Variants in DLC1 observed in about 807,000 individuals in gnomAD.
DLC1 encodes rho GTPase-activating protein 7.
DLC1 carries 54 observed loss-of-function variants against 140.3 expected under a neutral mutation model. That is an observed-to-expected ratio of 0.38 (90% CI 0.31 to 0.48). The LOEUF (loss-of-function observed/expected upper bound fraction) is 0.48. DLC1 is among the 20% of genes least tolerant of loss of function. The pLI, the probability that DLC1 is intolerant of heterozygous loss-of-function variation, is 0.96. For missense variants in DLC1, 2,536 were observed against 1,907.0 expected, an observed-to-expected ratio of 1.33 and a Z score of -6.14; for synonymous variants, 986 against 728.1, an observed-to-expected ratio of 1.35 and a Z score of -5.70.
chr8:13,599,993 C>A (rs1805818178), intron 1 of DLC1, among the ~76,000 whole-genome samples: 2 of 151,860 alleles, frequency 1.3e-5, no homozygotes, highest in Admixed American at 6.6e-5. Context: ...ATCAAATGAG[C>A]CTTGCCTGAA....
At chr8:13,440,930 T>C (rs1487504215) in intron 2 of DLC1, among the ~76,000 whole-genome samples, 1 of 152,094 alleles carries the variant, frequency 6.6e-6, no homozygotes, top group Non-Finnish European at 1.5e-5. Context: ...CTCGTGTGTG[T>C]CTTTATCAGC....
rs1031974 is a variant in DLC1, at chr8:13,529,725, A to C, written c.-125-29529T>G. Among the ~76,000 whole-genome samples, 873 of 152,336 alleles carry C rather than the reference A, an allele frequency of 5.7e-3. 13 individuals are homozygous for C. The highest frequency in any genetic ancestry group is 0.019 in the African/African-American group (803 of 41,592). ...GAAAAAAGGGAGCACCTATCCTTCC[A>C]GAAAGATGAGACTACTATGTTCTAG... On this transcript the variant is annotated intron_variant, in intron 1 of 1. Transcript: ENST00000631382.
rs759680419 is a variant in DLC1 at position 13,090,201 on chromosome 8, C to T, written c.4074+51G>A. On this transcript the variant is annotated intron_variant, in intron 15 of 17. Transcript: ENST00000276297. ...CAAAAGCGTGTTATCTCTGATGGACCCAAGCTTCGACTCCTGGACTCAACT... is the reference window on the plus strand; with the variant it reads ...CAAAAGCGTGTTATCTCTGATGGACTCAAGCTTCGACTCCTGGACTCAACT... The T allele has an allele frequency of 5.8e-6, 9 of 1,556,274 alleles. No individual in the cohort carries two copies. In the African/African-American group the frequency reaches 8.2e-5, roughly 14 times the overall value.
rs561909613 is a variant in DLC1, at chr8:13,520,713, C to A, written c.-125-20517G>T. On this transcript the variant is annotated intron_variant, in intron 1 of 1. Transcript: ENST00000631382. ...TCTTAGAAGCGAATGAGTCTGCCTG[C>A]CTGTCCTGTAGGGCTAGGGTACCAT... 5.3e-4 allele frequency among the ~76,000 whole-genome samples: 80 copies of A among 152,242 alleles called. 1 individual carries two copies. Among genetic ancestry groups the A allele is most frequent in the Non-Finnish European group, 7.4e-4 (50 of 68,020 alleles).
chr8:13,594,685 A>C (rs941237220), intron 1 of DLC1, among the ~76,000 whole-genome samples: 1 of 152,158 alleles, frequency 6.6e-6, no homozygotes, highest in African/African-American at 2.4e-5. Flanking sequence ...TTAAAGTGAA[A>C]GCACATTTAT....
chr8:13,579,316 TA>T (rs1446871313), intron 1 of DLC1, among the ~76,000 whole-genome samples: 970 of 3,190 alleles, frequency 0.3, 202 homozygotes, highest in South Asian at 0.36. Flanking sequence ...GGTCTGACTT[TA>T]TATATATATA....
chr8:13,291,726 A>G (rs917985333), intron 5 of DLC1, among the ~76,000 whole-genome samples: 9 of 152,200 alleles, frequency 5.9e-5, no homozygotes, highest in African/African-American at 2.2e-4. Flanking sequence ...AATATTATGT[A>G]GTATTCTCTT....
chr8:13,106,873 G>A (rs1231713472), intron 7 of DLC1, among the ~76,000 whole-genome samples: 3 of 152,230 alleles, frequency 2.0e-5, no homozygotes, highest in Non-Finnish European at 4.4e-5. Flanking sequence ...ATTTGGAATA[G>A]TTTTCAGAAG....
At chr8:13,603,750 G>A (rs1245213130) in intron 1 of DLC1, among the ~76,000 whole-genome samples, 1 of 152,014 alleles carries the variant, frequency 6.6e-6, no homozygotes, top group African/African-American at 2.4e-5. Context: ...TTATCCATTA[G>A]TGTTATAGGT....
intron 2 of DLC1, among the ~76,000 whole-genome samples, chr8:13,431,183 G>C (rs1053098655): frequency 2.6e-5 from 4 of 152,086 alleles, no homozygotes; most frequent in Non-Finnish European, 5.9e-5. Flanking sequence ...AGGCACAGAT[G>C]TGTTCAAGAA....
At chr8:13,186,099 C>T (rs1320095459) in intron 5 of DLC1, among the ~76,000 whole-genome samples, 1 of 152,134 alleles carries the variant, frequency 6.6e-6, no homozygotes. Context: ...TGCATTTCAA[C>T]CTTGGTGAAT....
At chr8:13,537,374 A>C (rs1803318238) in intron 1 of DLC1, among the ~76,000 whole-genome samples, 1 of 152,208 alleles carries the variant, frequency 6.6e-6, no homozygotes, top group Admixed American at 6.5e-5. Context: ...TATGACTCTC[A>C]CTGAGTGTTC....
chr8:13,450,502 C>G (rs1425732790), intron 2 of DLC1, among the ~76,000 whole-genome samples: 1 of 147,936 alleles, frequency 6.8e-6, no homozygotes, highest in African/African-American at 2.5e-5. Context: ...TGCAGTTACA[C>G]CTTTTTAAAA....
intron 5 of DLC1, among the ~76,000 whole-genome samples, chr8:13,169,111 T>C (rs557977207): frequency 6.6e-6 from 1 of 152,338 alleles, no homozygotes; most frequent in South Asian, 2.1e-4. Context: ...ATGTGATATA[T>C]AGTACTTGGA....
chr8:13,117,786 C>T (rs4831393), intron 5 of DLC1, among the ~76,000 whole-genome samples: 106,207 of 152,142 alleles, frequency 0.7, 40,013 homozygotes, highest in East Asian at 0.86. Flanking sequence ...CATACAAAAG[C>T]CTTAATTAGA....
intron 5 of DLC1, among the ~76,000 whole-genome samples, chr8:13,140,152 G>C (rs573727631): frequency 1.3e-5 from 2 of 152,168 alleles, no homozygotes; most frequent in East Asian, 3.9e-4. Context: ...TCATACAACA[G>C]TTGCCCCTTT....
In DLC1 at chr8:13,100,721, G is replaced by A. The variant is rs1056530607; in HGVS notation, c.1616C>T (p.Thr539Ile). ...CCACCTCTTGCTGTCCCTTTGGAAA[G>A]TCCATTTGCCACTGATGGCACAAGG... ...DEPCAISGKW[T>I]FQRDSKRWSR... The change falls in exon 9 of 18, where the codon ACT becomes ATT. Residue 539 changes from threonine to isoleucine, a missense_variant. Coordinates refer to ENST00000276297, the MANE Select transcript of DLC1 (RefSeq NM_182643.3). 1.2e-6 allele frequency: 2 copies of A among 1,604,464 alleles called. No individual in the cohort carries two copies. Among genetic ancestry groups the A allele is most frequent in the Non-Finnish European group, 1.7e-6 (2 of 1,175,866 alleles).
chr8:13,395,830 G>A (rs141955298), intron 3 of DLC1, among the ~76,000 whole-genome samples: 5 of 151,538 alleles, frequency 3.3e-5, no homozygotes, highest in East Asian at 1.9e-4. Flanking sequence ...TTGGATCAGG[G>A]CCATGTCTTC....
chr8:13,261,031 A>G (rs1830451353), intron 5 of DLC1, among the ~76,000 whole-genome samples: 1 of 152,238 alleles, frequency 6.6e-6, no homozygotes, highest in Non-Finnish European at 1.5e-5. Flanking sequence ...ACAAAGACTA[A>G]TGTGTCAGGC....
Sources: gnomAD v4.1 joint callset for allele counts (sites outside exome capture counted in the v4.1 genomes callset) on GRCh38, gnomAD v4.1.1 for gene constraint, MANE v1.5 for transcripts, NCBI Gene and HGNC (gene_info 2026-07-23, HGNC 2026-07-21) for gene names.